SAMD12: variants seen among roughly 807,000 people sequenced by gnomAD.
The protein encoded by SAMD12 is sterile alpha motif domain containing 12.
A neutral mutation model predicts 15.0 loss-of-function variants in SAMD12; 9 were observed. The ratio of observed to expected loss-of-function variants is 0.60; its 90% CI spans 0.36 to 1.05. SAMD12 has a LOEUF of 1.05. Ranked by LOEUF, SAMD12 falls within the 50% of genes least tolerant of loss-of-function variation. SAMD12 has a pLI of 0.01. For missense variants in SAMD12, 230 were observed against 234.2 expected (o/e 0.98, Z 0.12); for synonymous variants, 86 against 90.1 (o/e 0.96, Z 0.25).
chr8:118,248,925 A>C (rs1490510237), intron 4 of SAMD12, among the ~76,000 whole-genome samples: 1 of 152,072 alleles, frequency 6.6e-6, no homozygotes, highest in African/African-American at 2.4e-5. Flanking sequence ...ACATAAACTA[A>C]CAGTTATTTC....
At chr8:118,412,578 G>T (rs1388007246) in intron 3 of SAMD12, among the ~76,000 whole-genome samples, 1 of 152,126 alleles carries the variant, frequency 6.6e-6, no homozygotes, top group Admixed American at 6.5e-5. Context: ...AACATATGGA[G>T]TATAGCAAAG....
At chr8:118,321,145 AT>A (rs1204809158) in intron 4 of SAMD12, among the ~76,000 whole-genome samples, 5 of 1,352 alleles carry the variant, frequency 3.7e-3, no homozygotes, top group Non-Finnish European at 6.5e-3. Context: ...TAGATAATAA[AT>A]ATATATATAT....
rs58076997 is a variant in SAMD12 at position 118,302,078 on chromosome 8, G to GTTTTTTTTTTTTTTTTTTTTTTTTT, written c.433+77457_433+77481dup. ...ATTTTCTAGCGCCAGATCTTTGAGA[G>GTTTTTTTTTTTTTTTTTTTTTTTTT]TTTTTTTTTTTTTTTTTTTTTTTTT... On this transcript the variant is annotated intron_variant, in intron 4 of 4. Transcript: ENST00000409003. Among the ~76,000 whole-genome samples, 34 of 74,688 alleles carry GTTTTTTTTTTTTTTTTTTTTTTTTT rather than the reference G, an allele frequency of 4.6e-4. 3 individuals are homozygous for GTTTTTTTTTTTTTTTTTTTTTTTTT. Among genetic ancestry groups the GTTTTTTTTTTTTTTTTTTTTTTTTT allele is most frequent in the East Asian group, 2.1e-3 (4 of 1,868 alleles). The allele number at this position is 74,688 out of a possible 152,430, so 49.0% of individuals were successfully genotyped here.
chr8:118,431,373 T>C (rs2130869770), intron 3 of SAMD12, among the ~76,000 whole-genome samples: 1 of 152,362 alleles, frequency 6.6e-6, no homozygotes, highest in East Asian at 1.9e-4. Context: ...CTGATCTATA[T>C]CATTTTTCTT....
intron 2 of SAMD12, among the ~76,000 whole-genome samples, chr8:118,550,451 T>A (rs1439927200): frequency 1.3e-5 from 2 of 152,024 alleles, no homozygotes; most frequent in African/African-American, 4.8e-5. Context: ...GAAGGAGAAA[T>A]AAAATACTTT....
chr8:118,343,269 G>A (rs1034961126), intron 4 of SAMD12, among the ~76,000 whole-genome samples: 4 of 152,020 alleles, frequency 2.6e-5, no homozygotes, highest in African/African-American at 9.7e-5. Flanking sequence ...CTTGATGGAG[G>A]ATCTCAGGGA....
intron 4 of SAMD12, among the ~76,000 whole-genome samples, chr8:118,241,894 T>G (rs1282285910): frequency 1.3e-5 from 2 of 152,154 alleles, no homozygotes; most frequent in African/African-American, 4.8e-5. Context: ...CAATGATATT[T>G]GAGTGATATA....
chr8:118,155,907 G>A, the SAMD12 span, among the ~76,000 whole-genome samples: 1 of 152,250 alleles, frequency 6.6e-6, no homozygotes, highest in African/African-American at 2.4e-5. Context: ...AATCCACCTA[G>A]CTCAGTGAAA....
At chr8:118,602,427 T>A (rs901604027) in intron 1 of SAMD12, among the ~76,000 whole-genome samples, 1 of 152,194 alleles carries the variant, frequency 6.6e-6, no homozygotes, top group Admixed American at 6.5e-5. Flanking sequence ...TTAAAAAAAC[T>A]ACAATTATAG....
chr8:118,271,957 T>C lies in SAMD12; in HGVS notation c.434-74225A>G, dbSNP rs572940174. Among the ~76,000 whole-genome samples the C allele has an allele frequency of 1.4e-3, 214 of 152,298 alleles. 2 individuals are homozygous for C. The highest frequency in any genetic ancestry group is 5.1e-3 in the African/African-American group (211 of 41,572). ...CCAGACTCACAGTGCAAGCTGTCAG[T>C]GGATCTACAATTCTGAGGTCTGTAG... On this transcript the variant is annotated intron_variant, in intron 4 of 4. Transcript: ENST00000409003.
At chr8:118,504,739 C>G (rs946442168) in intron 2 of SAMD12, among the ~76,000 whole-genome samples, 1 of 152,066 alleles carries the variant, frequency 6.6e-6, no homozygotes, top group Non-Finnish European at 1.5e-5. Context: ...AGAGAAAACA[C>G]AAACATATAG....
intron 1 of SAMD12, among the ~76,000 whole-genome samples, chr8:118,617,198 CTG>C (rs2131326421): frequency 6.6e-6 from 1 of 152,350 alleles, no homozygotes; most frequent in East Asian, 1.9e-4. Context: ...CTTTTACTCT[CTG>C]TGATGCAGTT....
chr8:118,573,432 T>C (rs776185630), intron 2 of SAMD12, among the ~76,000 whole-genome samples: 41 of 152,202 alleles, frequency 2.7e-4, no homozygotes, highest in Non-Finnish European at 5.6e-4. Flanking sequence ...TATTTTCTTA[T>C]AGCAATGTGA....
At chr8:118,493,442 A>G (rs1824505337) in intron 2 of SAMD12, among the ~76,000 whole-genome samples, 1 of 152,190 alleles carries the variant, frequency 6.6e-6, no homozygotes, top group African/African-American at 2.4e-5. Context: ...CATAAATTAA[A>G]GGAAGCTCAT....
chr8:118,372,422 ATT>A (rs148584581), intron 4 of SAMD12, among the ~76,000 whole-genome samples: 3,629 of 138,862 alleles, frequency 0.026, 135 homozygotes, highest in African/African-American at 0.088. Flanking sequence ...AAGATGCAGT[ATT>A]TTTTTTTTTT....
the SAMD12 span, among the ~76,000 whole-genome samples, chr8:118,183,806 T>G: frequency 6.6e-6 from 1 of 151,666 alleles, no homozygotes. Flanking sequence ...CAGTAGGGAG[T>G]TTTTCATCCC....
At chr8:118,551,929 G>T (rs948351386) in intron 2 of SAMD12, among the ~76,000 whole-genome samples, 2 of 151,264 alleles carry the variant, frequency 1.3e-5, no homozygotes, top group African/African-American at 4.9e-5. Flanking sequence ...AAATCTAGAA[G>T]AAATGGATAA....
chr8:118,435,942 C>T (rs571468801), intron 3 of SAMD12, among the ~76,000 whole-genome samples: 7 of 152,192 alleles, frequency 4.6e-5, no homozygotes, highest in Non-Finnish European at 7.3e-5. Context: ...AGGTAAAACT[C>T]ACCTTATCCA....
At chr8:118,415,448 G>GGTGTGTGTGTGTGTGTGTGTGTGT (rs58176749) in intron 3 of SAMD12, among the ~76,000 whole-genome samples, 11 of 142,952 alleles carry the variant, frequency 7.7e-5, no homozygotes, top group South Asian at 7.3e-4. Flanking sequence ...CTTGTCCTAA[G>GGTGTGTGTGTGTGTGTGTGTGTGT]GTGTGTGTGT....
Sources: allele counts gnomAD v4.1 joint callset (sites outside exome capture counted in the v4.1 genomes callset), GRCh38; gene constraint gnomAD v4.1.1; transcripts MANE v1.5; gene names NCBI Gene and HGNC (gene_info 2026-07-23, HGNC 2026-07-21).